STK31: variants seen among roughly 807,000 people sequenced by gnomAD.
STK31 encodes the protein serine/threonine-protein kinase 31.
A neutral mutation model predicts 129.7 loss-of-function variants in STK31; 89 were observed. That is an observed-to-expected ratio of 0.69 (90% CI 0.58 to 0.82). STK31 has a LOEUF of 0.82. STK31 is among the 40% of genes least tolerant of loss of function. The pLI is 0.00. For synonymous variants in STK31, 448 were observed against 395.3 expected (o/e 1.13, Z -1.58); for missense variants, 1,187 against 1,176.4 (o/e 1.01, Z -0.13).
At position 23,832,424 on chromosome 7, in the gene STK31, CAG is replaced by C. The variant is rs199803936; in HGVS notation, c.*60_*61del. On this transcript the variant is annotated 3_prime_UTR_variant, in exon 24 of 24. Transcript: ENST00000355870. Reference sequence around the variant, plus strand: ...TAAAAACTTTGGTTTGGTTAATACACAGAAATATCTAGAAATGTTCTGGGACT... The same window carrying C: ...TAAAAACTTTGGTTTGGTTAATACACAAATATCTAGAAATGTTCTGGGACT... The C allele has an allele frequency of 7.7e-4, 920 of 1,199,184 alleles. 11 individuals carry two copies. The East Asian group carries it at 0.019, about 25-fold the overall frequency. 74.3% of individuals were successfully genotyped at this position (1,199,184 alleles called of 1,614,324 possible). A position where few individuals can be genotyped will look rare whatever the true frequency, so the allele number is the denominator to read the frequency against.
Position 23,726,170 on chromosome 7 carries a change from A to G in STK31, c.250-1071A>G, listed in dbSNP as rs373038930. 2.6e-5 allele frequency: 4 copies of G among 152,310 alleles called. No individual in the cohort carries two copies. The South Asian group carries it at 8.3e-4, about 32-fold the overall frequency. 9.4% of individuals were successfully genotyped at this position (152,310 alleles called of 1,614,324 possible). A position where few individuals can be genotyped will look rare whatever the true frequency, so the allele number is the denominator to read the frequency against. ...TATCCAAATGATATCCATCTAAATC[A>G]TAGACACCTTCAGGAGACATTTGAC... On this transcript the variant is annotated intron_variant, in intron 4 of 23. Transcript: ENST00000355870.
intron 10 of STK31, among the ~76,000 whole-genome samples, 176 bp downstream of exon 10, chr7:23,754,650 C>G (rs1382647457): frequency 6.6e-6 from 1 of 152,080 alleles, no homozygotes. Flanking sequence ...CCCTCCCTCA[C>G]CCCCCCATTT....
At chr7:23,727,357 AT>A (rs757925941) in intron 5 of STK31, 42 bp downstream of exon 5, 28 of 1,582,636 alleles carry the variant, frequency 1.8e-5, no homozygotes, top group Non-Finnish European at 2.4e-5. Flanking sequence ...TTTAAGAAAT[AT>A]TTATTGTGGT....
chr7:23,787,781 CAA>C (rs756062835), intron 20 of STK31, among the ~76,000 whole-genome samples, 197 bp from the exon 21 acceptor site: 7 of 135,128 alleles, frequency 5.2e-5, no homozygotes, highest in African/African-American at 8.2e-5. Context: ...CACACACACA[CAA>C]ACACACACAG....
intron 23 of STK31, among the ~76,000 whole-genome samples, chr7:23,819,071 T>G (rs1793634937): frequency 6.6e-6 from 1 of 152,212 alleles, no homozygotes; most frequent in Non-Finnish European, 1.5e-5. Context: ...TAGGGAAAAT[T>G]GTCCCATTTG....
At chr7:23,816,215 CAAAG>C (rs1793464559) in intron 23 of STK31, among the ~76,000 whole-genome samples, 1 of 151,910 alleles carries the variant, frequency 6.6e-6, no homozygotes, top group African/African-American at 2.4e-5. Context: ...AAGGGGATAA[CAAAG>C]AAGGTTGACT....
chr7:23,751,457 A>G (rs1788702627), intron 8 of STK31, among the ~76,000 whole-genome samples: 2 of 152,160 alleles, frequency 1.3e-5, no homozygotes, highest in Admixed American at 6.5e-5. Context: ...TTTTAAGTTG[A>G]TTGACATTTG....
chr7:23,774,792 T>C (rs1220530804), intron 15 of STK31, among the ~76,000 whole-genome samples: 1 of 152,202 alleles, frequency 6.6e-6, no homozygotes, highest in African/African-American at 2.4e-5. Flanking sequence ...TAGATCCCAT[T>C]TGTCAATTTT....
intron 23 of STK31, among the ~76,000 whole-genome samples, chr7:23,818,665 C>T (rs972259933): frequency 1.3e-5 from 2 of 152,088 alleles, no homozygotes; most frequent in African/African-American, 4.8e-5. Flanking sequence ...AGTCCGAAGT[C>T]CCAGGTTGGA....
intron 6 of STK31, among the ~76,000 whole-genome samples, 156 bp downstream of exon 6, chr7:23,729,405 C>A (rs886664319): frequency 6.6e-6 from 1 of 151,942 alleles, no homozygotes; most frequent in African/African-American, 2.4e-5. Flanking sequence ...TATTTATGCT[C>A]ATCTTTGCTA....
intron 8 of STK31, among the ~76,000 whole-genome samples, chr7:23,748,289 A>G (rs941729006): frequency 6.6e-6 from 1 of 152,034 alleles, no homozygotes; most frequent in Non-Finnish European, 1.5e-5. Flanking sequence ...AGCTTATTCT[A>G]CTGTGGCCTG....
Position 23,712,134 on chromosome 7 carries a change from A to G in STK31, c.86A>G (p.His29Arg), listed in dbSNP as rs527457982. Residue 29 changes from histidine to arginine, a missense_variant, in exon 2 of 24, where the codon CAT becomes CGT. His to Arg is a conservative substitution (Grantham distance 29, BLOSUM62 0). Coordinates refer to ENST00000355870, the MANE Select transcript of STK31 (RefSeq NM_031414.5). Reference protein sequence around the residue: ...SGIVQMDEDTHYDKVEDVVGS... With the variant: ...SGIVQMDEDTRYDKVEDVVGS... The stretch of plus-strand genomic sequence containing the variant: ...ATTGTTCAAATGGATGAAGATACAC[A>G]TTACGATAAAGGTACTGACACTAAA... 6.2e-7 allele frequency: 1 copy of G among 1,612,720 alleles called. No homozygotes were observed. The highest frequency in any genetic ancestry group is 1.3e-5 in the African/African-American group (1 of 74,996).
intron 22 of STK31, among the ~76,000 whole-genome samples, chr7:23,810,060 A>C (rs965715447): frequency 6.6e-6 from 1 of 152,124 alleles, no homozygotes; most frequent in Non-Finnish European, 1.5e-5. Flanking sequence ...TTTCAACTCT[A>C]TCTTGTGGTT....
At chr7:23,798,985 A>C (rs568933527) in intron 22 of STK31, among the ~76,000 whole-genome samples, 2 of 152,350 alleles carry the variant, frequency 1.3e-5, no homozygotes, top group South Asian at 2.1e-4. Flanking sequence ...GTGAACTCCC[A>C]TTCACAATTG....
At chr7:23,771,379 A>T (rs1790183797) in intron 14 of STK31, 1 of 256,710 alleles carries the variant, frequency 3.9e-6, no homozygotes, top group African/African-American at 2.3e-5. Context: ...ACTGTAGATA[A>T]TTTGCTATAT....
chr7:23,755,536 G>A (rs77740373), intron 10 of STK31, among the ~76,000 whole-genome samples: 13,960 of 152,148 alleles, frequency 0.092, 936 homozygotes, highest in Non-Finnish European at 0.14. Context: ...GACTTTTGTT[G>A]CATTTGCTTT....
chr7:23,805,367 C>T (rs567493454), intron 22 of STK31, among the ~76,000 whole-genome samples: 79 of 152,350 alleles, frequency 5.2e-4, no homozygotes, highest in Non-Finnish European at 9.7e-4. Context: ...TGAGCCACCA[C>T]GCCCAGCCCC....
chr7:23,822,130 A>G (rs1321984369), intron 23 of STK31, among the ~76,000 whole-genome samples: 1 of 152,030 alleles, frequency 6.6e-6, no homozygotes, highest in Admixed American at 6.6e-5. Flanking sequence ...GCTCTTTTTT[A>G]GTTCTACATG....
At chr7:23,722,409 C>T (rs966958367) in intron 4 of STK31, 4 of 153,778 alleles carry the variant, frequency 2.6e-5, no homozygotes, top group Non-Finnish European at 5.8e-5. Flanking sequence ...GCAAATATTG[C>T]GGAATGGCAG....
Sources: gnomAD v4.1 joint callset for allele counts (sites outside exome capture counted in the v4.1 genomes callset) on GRCh38, gnomAD v4.1.1 for gene constraint, MANE v1.5 for transcripts, NCBI Gene and HGNC (gene_info 2026-07-23, HGNC 2026-07-21) for gene names.